Variants in CDH6 observed in about 807,000 individuals in gnomAD.
CDH6 encodes the protein cadherin-6.
Under a neutral mutation model 78.0 loss-of-function variants are expected in CDH6, and 31 were observed. The observed-to-expected ratio is 0.40, with a 90% confidence interval of 0.30 to 0.54. The LOEUF (loss-of-function observed/expected upper bound fraction) is 0.54, where lower values mean the gene tolerates loss of function less well. Ranked by LOEUF, CDH6 falls within the 20% of genes least tolerant of loss-of-function variation. The pLI is 0.56. For missense variants in CDH6, 724 were observed against 975.9 expected, an observed-to-expected ratio of 0.74 and a Z score of 3.44; for synonymous variants, 376 against 368.8, an observed-to-expected ratio of 1.02 and a Z score of -0.23.
Position 31,299,613 on chromosome 5 carries a change from C to G in CDH6, c.793C>G (p.Pro265Ala). ...NITLTDVNDNPPRFPQSTYQF... is the reference protein window; with the variant it reads ...NITLTDVNDNAPRFPQSTYQF... Reference sequence around the variant, plus strand: ...CACACTGACTGATGTCAACGACAACCCTCCCCGATTCCCCCAGAGTAGGAA... The same window carrying G: ...CACACTGACTGATGTCAACGACAACGCTCCCCGATTCCCCCAGAGTAGGAA... The change falls in exon 5 of 12, where the codon CCT becomes GCT. Residue 265 changes from proline to alanine, a missense_variant. By Grantham distance (27) the Pro-to-Ala change is conservative. This residue lies in a region of CDH6 where 446 missense variants were observed against 684.5 expected (regional missense o/e 0.65). Transcript: ENST00000265071. 6.2e-7 allele frequency: 1 copy of G among 1,612,838 alleles called. No homozygotes were observed.
intron 1 of CDH6, among the ~76,000 whole-genome samples, chr5:31,247,540 G>A (rs1182607006): frequency 1.3e-5 from 2 of 152,152 alleles, no homozygotes; most frequent in Non-Finnish European, 2.9e-5. Flanking sequence ...AGGTGTCTTG[G>A]TGTCTCACAG....
At chr5:31,216,486 T>G (rs1446003279) in intron 1 of CDH6, among the ~76,000 whole-genome samples, 1 of 152,052 alleles carries the variant, frequency 6.6e-6, no homozygotes, top group East Asian at 1.9e-4. Context: ...AATAAAATTT[T>G]TGGAACAAAT....
intron 1 of CDH6, among the ~76,000 whole-genome samples, chr5:31,233,755 G>A (rs909667575): frequency 4.6e-5 from 7 of 152,174 alleles, no homozygotes; most frequent in Admixed American, 3.3e-4. Context: ...GTTTCTTCAC[G>A]GAGAGGTCCT....
At chr5:31,244,504 G>A (rs904470128) in intron 1 of CDH6, among the ~76,000 whole-genome samples, 1 of 152,096 alleles carries the variant, frequency 6.6e-6, no homozygotes, top group African/African-American at 2.4e-5. Context: ...CCCTGCAGTT[G>A]GGAGGCTCAT....
At chr5:31,311,500 G>T (rs1048385982) in intron 7 of CDH6, among the ~76,000 whole-genome samples, 4 of 152,134 alleles carry the variant, frequency 2.6e-5, no homozygotes. Flanking sequence ...CAGTTCCAAA[G>T]TTGCTTCCAC....
At chr5:31,301,073 T>C (rs1198321270) in intron 5 of CDH6, among the ~76,000 whole-genome samples, 1 of 152,136 alleles carries the variant, frequency 6.6e-6, no homozygotes. Context: ...CAGTGAGCCA[T>C]GATCACGCCA....
At chr5:31,320,336 T>C (rs893302348) in intron 11 of CDH6, among the ~76,000 whole-genome samples, 5 of 152,152 alleles carry the variant, frequency 3.3e-5, no homozygotes, top group Non-Finnish European at 5.9e-5. Context: ...AAGTGCCCTC[T>C]CCCTTCTAGA....
At chr5:31,286,306 A>G (rs1297677686) in intron 2 of CDH6, among the ~76,000 whole-genome samples, 2 of 152,164 alleles carry the variant, frequency 1.3e-5, no homozygotes, top group African/African-American at 4.8e-5. Flanking sequence ...GCTGATGGCT[A>G]AGTGGGGAAT....
chr5:31,302,958 G>GGAAA (rs1561066587), intron 6 of CDH6, among the ~76,000 whole-genome samples: 3 of 106,098 alleles, frequency 2.8e-5, no homozygotes, highest in Non-Finnish European at 5.7e-5. Flanking sequence ...AAAGAAAGAA[G>GGAAA]GAAAGAAAAG....
intron 2 of CDH6, among the ~76,000 whole-genome samples, chr5:31,288,610 T>G (rs1290387641): frequency 6.6e-6 from 1 of 152,188 alleles, no homozygotes; most frequent in Non-Finnish European, 1.5e-5. Context: ...AAGCCTCAAT[T>G]TGTCATAATT....
At chr5:31,280,331 T>G (rs1176432605) in intron 2 of CDH6, among the ~76,000 whole-genome samples, 1 of 152,188 alleles carries the variant, frequency 6.6e-6, no homozygotes, top group Non-Finnish European at 1.5e-5. Context: ...TGCTGTCACA[T>G]GTACAAGCAT....
chr5:31,267,680 C>T lies in CDH6; in HGVS notation c.207C>T (p.Ser69=), dbSNP rs752299718. Residue 69 remains serine (S), a synonymous_variant, in exon 2 of 12, where the codon TCC becomes TCT. Transcript: ENST00000265071. ...TTCTCCTGGAGGAATACACAGGATC[C>T]GATTATCAGTATGTGGGCAAGGTAG... ...QFFLLEEYTG[S]DYQYVGKLHS... The T allele has an allele frequency of 3.7e-6, 6 of 1,613,482 alleles. No homozygotes were observed. Among genetic ancestry groups the T allele is most frequent in the East Asian group, 2.2e-5 (1 of 44,878 alleles).
chr5:31,241,588 G>A (rs888981887), intron 1 of CDH6, among the ~76,000 whole-genome samples: 2 of 152,238 alleles, frequency 1.3e-5, no homozygotes, highest in African/African-American at 4.8e-5. Context: ...CCTGAAGTGG[G>A]TGTCCTTGGT....
intron 9 of CDH6, among the ~76,000 whole-genome samples, chr5:31,317,108 T>C (rs1275849384): frequency 6.6e-6 from 1 of 152,196 alleles, no homozygotes. Flanking sequence ...TAGAAGGTGC[T>C]ACTGATATCT....
chr5:31,208,794 T>C (rs1740611587), intron 1 of CDH6, among the ~76,000 whole-genome samples: 1 of 152,228 alleles, frequency 6.6e-6, no homozygotes, highest in Non-Finnish European at 1.5e-5. Context: ...TGGAAATGTT[T>C]CTTGAGTTTC....
intron 2 of CDH6, among the ~76,000 whole-genome samples, chr5:31,291,305 T>C (rs1743157548): frequency 6.6e-6 from 1 of 152,112 alleles, no homozygotes; most frequent in Non-Finnish European, 1.5e-5. Context: ...AAAGTCAAAA[T>C]AGGAGAAAAA....
At chr5:31,309,270 T>C (rs1738081956) in intron 7 of CDH6, among the ~76,000 whole-genome samples, 2 of 152,160 alleles carry the variant, frequency 1.3e-5, no homozygotes, top group African/African-American at 4.8e-5. Context: ...TCTATTTCAT[T>C]TAGACACTCA....
At chr5:31,285,832 T>C (rs1267800413) in intron 2 of CDH6, among the ~76,000 whole-genome samples, 3 of 152,218 alleles carry the variant, frequency 2.0e-5, no homozygotes, top group Non-Finnish European at 2.9e-5. Context: ...CAAGTTGGCT[T>C]TACTATTGTG....
intron 1 of CDH6, among the ~76,000 whole-genome samples, chr5:31,234,546 G>A (rs933400589): frequency 1.1e-4 from 17 of 152,052 alleles, no homozygotes; most frequent in African/African-American, 3.9e-4. Context: ...CTGATAGGTG[G>A]GGAATCCCAT....
Sources: allele counts gnomAD v4.1 joint callset (sites outside exome capture counted in the v4.1 genomes callset), GRCh38; gene constraint gnomAD v4.1.1; regional missense constraint gnomAD v4.1.1; transcripts MANE v1.5; gene names NCBI Gene and HGNC (gene_info 2026-07-23, HGNC 2026-07-21).